FAM163A: variants seen among roughly 807,000 people sequenced by gnomAD.
FAM163A encodes the protein family with sequence similarity 163 member A.
In FAM163A, 7 loss-of-function variants were observed where a neutral mutation model predicts 12.0. The observed-to-expected ratio is 0.58, with a 90% CI of 0.33 to 1.10. The LOEUF (loss-of-function observed/expected upper bound fraction) is 1.10. FAM163A is among the 50% of genes least tolerant of loss of function. The pLI is 0.03. For synonymous variants in FAM163A, 101 were observed against 91.0 expected (o/e 1.11, Z -0.62); for missense variants, 202 against 218.6 (o/e 0.92, Z 0.48).
chr1:179,798,387 G>A (rs532540935), intron 1 of FAM163A, among the ~76,000 whole-genome samples: 15 of 152,304 alleles, frequency 9.8e-5, no homozygotes, highest in South Asian at 4.1e-4. Flanking sequence ...GGCTTGCCCC[G>A]TGGGGTTCCC....
intron 1 of FAM163A, among the ~76,000 whole-genome samples, chr1:179,792,414 G>A (rs1164008562): frequency 5.9e-5 from 9 of 151,736 alleles, no homozygotes; most frequent in Non-Finnish European, 1.2e-4. Context: ...CAAAGTGGTG[G>A]GATTATAGGC....
intron 1 of FAM163A, among the ~76,000 whole-genome samples, chr1:179,767,866 C>T (rs1315668395): frequency 6.6e-6 from 1 of 152,156 alleles, no homozygotes; most frequent in African/African-American, 2.4e-5. Context: ...AAAAAGCACA[C>T]AACAATTAAT....
chr1:179,743,804 A>G (rs1684016538), intron 1 of FAM163A, among the ~76,000 whole-genome samples: 1 of 152,050 alleles, frequency 6.6e-6, no homozygotes, highest in East Asian at 2.0e-4. Context: ...AAGGCGCTCT[A>G]CTCAGCGTGT....
chr1:179,813,609 C>T (rs1694993287), intron 4 of FAM163A, among the ~76,000 whole-genome samples, 170 bp from the exon 5 acceptor site: 2 of 152,182 alleles, frequency 1.3e-5, no homozygotes, highest in African/African-American at 4.8e-5. Context: ...GAAAGCAGTA[C>T]TGGCCTTGCA....
At chr1:179,801,834 G>A (rs781226502) in intron 1 of FAM163A, among the ~76,000 whole-genome samples, 10 of 152,136 alleles carry the variant, frequency 6.6e-5, no homozygotes, top group Non-Finnish European at 1.3e-4. Flanking sequence ...CCAGGCAGGC[G>A]GCCGGAGTGG....
Position 179,769,900 on chromosome 1 carries a change from CTTT to C in FAM163A, c.-136+26500_-136+26502del, listed in dbSNP as rs1196869449. Among the ~76,000 whole-genome samples the C allele has an allele frequency of 8.7e-3, 842 of 96,926 alleles. 3 individuals are homozygous for C. The highest frequency in any genetic ancestry group is 0.035 in the African/African-American group (794 of 22,832). 63.6% of individuals were successfully genotyped at this position (96,926 alleles called of 152,430 possible). A position where few individuals can be genotyped will look rare whatever the true frequency, so the allele number is the denominator to read the frequency against. On this transcript the variant is annotated intron_variant, in intron 1 of 4. Coordinates refer to ENST00000341785, the MANE Select transcript of FAM163A (RefSeq NM_173509.3). ...TTCATTTACTCTTTCATCCCTAATT[CTTT>C]TTTTTTTTTTTTTTTTTTTTTTGAG...
chr1:179,741,054 T>C (rs1170661187), upstream of FAM163A, among the ~76,000 whole-genome samples: 1 of 152,298 alleles, frequency 6.6e-6, no homozygotes, highest in Middle Eastern at 3.4e-3. Context: ...GACCAAGGCA[T>C]GGTAGCAGCT....
At position 179,755,427 on chromosome 1, in the gene FAM163A, C is replaced by T. The variant is rs114214601; in HGVS notation, c.-136+12004C>T. Reference sequence around the variant, plus strand: ...TTACGGAGATTTTTAAATGTTGTGGCTAGGATGTCACAGAGGCCATCTTTG... The same window carrying T: ...TTACGGAGATTTTTAAATGTTGTGGTTAGGATGTCACAGAGGCCATCTTTG... On this transcript the variant is annotated intron_variant, in intron 1 of 4. Coordinates refer to ENST00000341785, the MANE Select transcript of FAM163A (RefSeq NM_173509.3). Among the ~76,000 whole-genome samples, 1,038 of 152,188 alleles carry T rather than the reference C, an allele frequency of 6.8e-3. 4 individuals are homozygous for T. The highest frequency in any genetic ancestry group is 8.6e-3 in the Non-Finnish European group (583 of 68,016).
intron 1 of FAM163A, among the ~76,000 whole-genome samples, chr1:179,789,362 A>C (rs758944783): frequency 2.2e-4 from 34 of 152,202 alleles, no homozygotes; most frequent in Non-Finnish European, 4.9e-4. Context: ...TTGCATTTTT[A>C]GTAGAGATGG....
intron 1 of FAM163A, among the ~76,000 whole-genome samples, chr1:179,779,264 A>T (rs1481837744): frequency 6.6e-6 from 1 of 152,252 alleles, no homozygotes; most frequent in Non-Finnish European, 1.5e-5. Flanking sequence ...CTGTGGTAGC[A>T]GGAGTAGAAG....
upstream of FAM163A, among the ~76,000 whole-genome samples, chr1:179,741,223 A>T (rs1378274836): frequency 6.6e-6 from 1 of 152,242 alleles, no homozygotes; most frequent in Non-Finnish European, 1.5e-5. Context: ...TGAAACGAAG[A>T]TCACAGTGAG....
intron 1 of FAM163A, among the ~76,000 whole-genome samples, chr1:179,759,683 TTG>T: frequency 6.6e-6 from 1 of 152,106 alleles, no homozygotes; most frequent in South Asian, 2.1e-4. Context: ...CTTTTTTTTT[TTG>T]AGACAGATTC....
intron 1 of FAM163A, among the ~76,000 whole-genome samples, chr1:179,772,821 C>T (rs1688456866): frequency 6.6e-6 from 1 of 151,712 alleles, no homozygotes; most frequent in Non-Finnish European, 1.5e-5. Flanking sequence ...ACATGGCTTG[C>T]TCTATCACTA....
rs376183566 is a variant in FAM163A, at chr1:179,813,839, G to C, written c.154G>C (p.Asp52His). 5 of 1,613,888 alleles carry C rather than the reference G, an allele frequency of 3.1e-6. No individual in the cohort carries two copies. The African/African-American group carries it at 6.7e-5, about 22-fold the overall frequency. ...AGACGAGGAGGAGGAGCGGGAGCACGACCTTCCCACGCATCCCAGAGGCCC... is the reference window on the plus strand; with the variant it reads ...AGACGAGGAGGAGGAGCGGGAGCACCACCTTCCCACGCATCCCAGAGGCCC... ...VADEEEEREH[D>H]LPTHPRGPTC... The change falls in exon 5 of 5, where the codon GAC becomes CAC. Residue 52 changes from aspartate (D) to histidine (H), a missense_variant. Coordinates refer to ENST00000341785, the MANE Select transcript of FAM163A (RefSeq NM_173509.3).
intron 1 of FAM163A, among the ~76,000 whole-genome samples, chr1:179,803,501 A>G (rs774690520): frequency 6.6e-6 from 1 of 152,186 alleles, no homozygotes; most frequent in Admixed American, 6.5e-5. Context: ...AGCACATTCT[A>G]TCAGGGTGGC....
chr1:179,793,149 A>G (rs890816849), intron 1 of FAM163A, among the ~76,000 whole-genome samples: 2 of 152,040 alleles, frequency 1.3e-5, no homozygotes, highest in Non-Finnish European at 2.9e-5. Flanking sequence ...TTCTCTGACA[A>G]CTTCTCTTAG....
chr1:179,781,145 A>G (rs71630240), intron 1 of FAM163A, among the ~76,000 whole-genome samples: 34,514 of 151,980 alleles, frequency 0.23, 4,316 homozygotes, highest in Non-Finnish European at 0.27. Flanking sequence ...GGCCTGGATG[A>G]GAGAGGAGCA....
At chr1:179,743,826 C>G (rs909639521) in intron 1 of FAM163A, among the ~76,000 whole-genome samples, 2 of 152,150 alleles carry the variant, frequency 1.3e-5, no homozygotes, top group South Asian at 4.1e-4. Context: ...TGCAGCGACC[C>G]GCTTCTCTGC....
In FAM163A at chr1:179,769,941, T is replaced by C. The variant is rs1197996162; in HGVS notation, c.-136+26518T>C. On this transcript the variant is annotated intron_variant, in intron 1 of 4. Transcript: ENST00000341785. ...TTTTTTTTTTGAGACAGTCTTGCTC[T>C]GTCACCCAGGCTGGAGTGCAGTGGC... 1.4e-5 allele frequency among the ~76,000 whole-genome samples: 2 copies of C among 145,440 alleles called. 1 individual carries two copies.
Sources: allele counts gnomAD v4.1 joint callset (sites outside exome capture counted in the v4.1 genomes callset), GRCh38; gene constraint gnomAD v4.1.1; transcripts MANE v1.5; gene names NCBI Gene and HGNC (gene_info 2026-07-23, HGNC 2026-07-21).